ZNF423: variants seen among roughly 807,000 people sequenced by gnomAD.
ZNF423 encodes the protein zinc finger protein 423.
Under a neutral mutation model 95.8 loss-of-function variants are expected in ZNF423, and 12 were observed. The observed-to-expected ratio is 0.13, with a 90% CI of 0.08 to 0.20. The LOEUF (loss-of-function observed/expected upper bound fraction) is 0.20, where lower values mean the gene tolerates loss of function less well. Ranked by LOEUF, ZNF423 falls within the 10% of genes least tolerant of loss-of-function variation. The pLI, the probability that ZNF423 is intolerant of heterozygous loss-of-function variation, is 1.00. For synonymous variants in ZNF423, 749 were observed against 711.9 expected, an observed-to-expected ratio of 1.05 and a Z score of -0.83; for missense variants, 1,316 against 1,737.1, an observed-to-expected ratio of 0.76 and a Z score of 4.31.
At chr16:49,707,747 T>TA (rs924564472) in intron 3 of ZNF423, among the ~76,000 whole-genome samples, 12 of 151,576 alleles carry the variant, frequency 7.9e-5, no homozygotes, top group South Asian at 2.1e-4. Flanking sequence ...TCTAATGCTT[T>TA]AAAAAAAAAT....
At chr16:49,702,764 C>T (rs1486083808) in intron 3 of ZNF423, among the ~76,000 whole-genome samples, 1 of 152,220 alleles carries the variant, frequency 6.6e-6, no homozygotes, top group African/African-American at 2.4e-5. Context: ...GCCTGGTGGG[C>T]CAAGGGCCAG....
chr16:49,492,994 A>G lies in ZNF423; in HGVS notation c.3850-1690T>C, dbSNP rs1359121750. On this transcript the variant is annotated intron_variant, in intron 7 of 7. Coordinates refer to ENST00000563137, the MANE Select transcript of ZNF423 (RefSeq NM_001379286.1). This position sits in a 1 kb window ranked among gnomAD's most constrained non-coding sequence, Gnocchi z 4.2. Reference sequence around the variant, plus strand: ...CGCATTCTGCACCAGACACAGTGCCACCTCTGCCGGCCGGGCCTGACACCT... The same window carrying G: ...CGCATTCTGCACCAGACACAGTGCCGCCTCTGCCGGCCGGGCCTGACACCT... Among the ~76,000 whole-genome samples, 1 of 151,840 alleles carries G rather than the reference A, an allele frequency of 6.6e-6. No individual in the cohort carries two copies. Among genetic ancestry groups the G allele is most frequent in the Non-Finnish European group, 1.5e-5 (1 of 67,956 alleles).
At chr16:49,611,134 C>T (rs764246392) in intron 5 of ZNF423, among the ~76,000 whole-genome samples, 1 of 152,008 alleles carries the variant, frequency 6.6e-6, no homozygotes. Context: ...CAGAAGAACT[C>T]AAAATCATTG....
intron 1 of ZNF423, among the ~76,000 whole-genome samples, chr16:49,815,908 ATATATATTTTTTTTTT>A (rs2034844668): frequency 7.3e-5 from 3 of 41,254 alleles, no homozygotes; most frequent in African/African-American, 3.0e-4. Flanking sequence ...ATATATATAT[ATATATATTTTTTTTTT>A]TTTTTTTTTT....
At chr16:49,828,899 C>T (rs2035033788) in intron 1 of ZNF423, among the ~76,000 whole-genome samples, 1 of 152,230 alleles carries the variant, frequency 6.6e-6, no homozygotes, top group Admixed American at 6.5e-5. Flanking sequence ...AGGGAGGCTT[C>T]ATGGCAGGCT....
chr16:49,598,341 A>G (rs146385847), intron 5 of ZNF423, among the ~76,000 whole-genome samples: 26 of 152,396 alleles, frequency 1.7e-4, no homozygotes, highest in African/African-American at 5.8e-4. Context: ...GGAAAACTGC[A>G]ATAATGCACG....
chr16:49,840,730 TACAC>T (rs2035174116), intron 1 of ZNF423, among the ~76,000 whole-genome samples: 1 of 151,718 alleles, frequency 6.6e-6, no homozygotes. Flanking sequence ...CACACACTAG[TACAC>T]ACAGACTCAC....
At chr16:49,805,915 G>A (rs1388722606) in intron 1 of ZNF423, among the ~76,000 whole-genome samples, 2 of 152,248 alleles carry the variant, frequency 1.3e-5, no homozygotes, top group Non-Finnish European at 2.9e-5. Flanking sequence ...TCCATCCAGG[G>A]TTGCAATGTG....
intron 3 of ZNF423, among the ~76,000 whole-genome samples, chr16:49,661,990 C>T (rs548306139): frequency 1.3e-5 from 2 of 152,328 alleles, no homozygotes; most frequent in African/African-American, 4.8e-5. Context: ...TGGTACATGG[C>T]ACATGCTCAA....
intron 5 of ZNF423, among the ~76,000 whole-genome samples, chr16:49,565,629 A>C (rs1476958995): frequency 1.3e-5 from 2 of 152,150 alleles, no homozygotes; most frequent in African/African-American, 2.4e-5. Flanking sequence ...CCTGATTCTC[A>C]AATCTGCTGG....
At chr16:49,844,306 A>C (rs1429145357) in intron 1 of ZNF423, among the ~76,000 whole-genome samples, 2 of 152,160 alleles carry the variant, frequency 1.3e-5, no homozygotes, top group Admixed American at 6.5e-5. Flanking sequence ...ATTAAAATTA[A>C]ATTAGTACAA....
chr16:49,639,014 G>C, intron 3 of ZNF423, 140 bp from the exon 4 acceptor site: 1 of 1,437,676 alleles, frequency 7.0e-7, no homozygotes, highest in East Asian at 2.5e-5. Flanking sequence ...GGAGGGGCAG[G>C]GGCCGGAAGC....
At chr16:49,525,322 T>C in intron 6 of ZNF423, 41 bp downstream of exon 6, 1 of 1,609,938 alleles carries the variant, frequency 6.2e-7, no homozygotes, top group Non-Finnish European at 8.5e-7. Flanking sequence ...GGCTCCTGTG[T>C]TCATCTCTCT....
intron 2 of ZNF423, among the ~76,000 whole-genome samples, chr16:49,789,274 G>A (rs928362442): frequency 3.9e-5 from 6 of 152,134 alleles, no homozygotes; most frequent in African/African-American, 1.4e-4. Context: ...TGTGGCCCTC[G>A]GGAGAATAAG....
At position 49,762,220 on chromosome 16, in the gene ZNF423, G is replaced by A. The variant is rs866438481; in HGVS notation, c.100+27267C>T. On this transcript the variant is annotated intron_variant, in intron 2 of 7. Coordinates refer to ENST00000563137, the MANE Select transcript of ZNF423 (RefSeq NM_001379286.1). The stretch of plus-strand genomic sequence containing the variant: ...TATGTTCAGAACTGCCAGCCCTTTC[G>A]GAAAATGCCTGTGAATCTCAATCCC... Among the ~76,000 whole-genome samples, 18 of 152,288 alleles carry A rather than the reference G, an allele frequency of 1.2e-4. No homozygotes were observed. In the East Asian group the frequency reaches 1.4e-3, roughly 11 times the overall value.
At chr16:49,521,105 C>T (rs1159835660) in intron 7 of ZNF423, among the ~76,000 whole-genome samples, 1 of 152,168 alleles carries the variant, frequency 6.6e-6, no homozygotes, top group Non-Finnish European at 1.5e-5. Flanking sequence ...AGATTGAAAG[C>T]AGCAGCCTCC....
At chr16:49,692,145 A>G (rs1429744491) in intron 3 of ZNF423, among the ~76,000 whole-genome samples, 5 of 151,912 alleles carry the variant, frequency 3.3e-5, no homozygotes, top group African/African-American at 1.2e-4. Flanking sequence ...CGAGACAGGC[A>G]TCTCACTTTG....
chr16:49,828,634 C>A (rs192001286), intron 1 of ZNF423, among the ~76,000 whole-genome samples: 1 of 152,352 alleles, frequency 6.6e-6, no homozygotes, highest in Admixed American at 6.5e-5. Flanking sequence ...CACAGACCCA[C>A]CACCAAATGC....
intron 5 of ZNF423, among the ~76,000 whole-genome samples, chr16:49,528,611 C>G (rs1035714665): frequency 6.6e-6 from 1 of 152,138 alleles, no homozygotes; most frequent in Non-Finnish European, 1.5e-5. Flanking sequence ...GAAGGGTTCC[C>G]GCAGAGCTGG....
Sources: gnomAD v4.1 joint callset for allele counts (sites outside exome capture counted in the v4.1 genomes callset) on GRCh38, gnomAD v4.1.1 for gene constraint, Gnocchi (gnomAD v3.1) non-coding constraint, MANE v1.5 for transcripts, NCBI Gene and HGNC (gene_info 2026-07-23, HGNC 2026-07-21) for gene names.